Variants in LRP6 observed in about 807,000 individuals in gnomAD.
LRP6 encodes low-density lipoprotein receptor-related protein 6.
A neutral mutation model predicts 184.1 loss-of-function variants in LRP6; 43 were observed. The observed-to-expected ratio is 0.23, with a 90% CI of 0.18 to 0.30. The LOEUF (loss-of-function observed/expected upper bound fraction) is 0.30, where lower values mean the gene tolerates loss of function less well. LRP6 is among the 10% of genes least tolerant of loss of function. LRP6 has a pLI of 1.00. For synonymous variants in LRP6, 719 were observed against 684.9 expected, an observed-to-expected ratio of 1.05 and a Z score of -0.78; for missense variants, 1,571 against 2,005.3, an observed-to-expected ratio of 0.78 and a Z score of 4.14.
chr12:12,250,676 G>A (rs573195104), intron 1 of LRP6, among the ~76,000 whole-genome samples: 3 of 152,140 alleles, frequency 2.0e-5, no homozygotes, highest in Non-Finnish European at 4.4e-5. Context: ...AGGCTGGAGT[G>A]CAGTGGCACA....
At chr12:12,189,998 C>G (rs979345736) in intron 3 of LRP6, among the ~76,000 whole-genome samples, 1 of 152,120 alleles carries the variant, frequency 6.6e-6, no homozygotes, top group Non-Finnish European at 1.5e-5. Flanking sequence ...CCAAGGATCC[C>G]ACACAATGGT....
At chr12:12,184,306 C>T (rs1779060281) in intron 4 of LRP6, among the ~76,000 whole-genome samples, 195 bp from the exon 5 acceptor site, 1 of 152,052 alleles carries the variant, frequency 6.6e-6, no homozygotes, top group African/African-American at 2.4e-5. Flanking sequence ...AAGAGGAATA[C>T]ACAAGAAGTA....
intron 2 of LRP6, among the ~76,000 whole-genome samples, chr12:12,216,722 C>T (rs1019452690): frequency 1.3e-5 from 2 of 151,408 alleles, no homozygotes; most frequent in Non-Finnish European, 2.9e-5. Context: ...ATAAAACTAA[C>T]GGATAATCCA....
At chr12:12,217,889 TA>T (rs938219484) in intron 2 of LRP6, among the ~76,000 whole-genome samples, 1 of 151,978 alleles carries the variant, frequency 6.6e-6, no homozygotes, top group Admixed American at 6.6e-5. Flanking sequence ...TCAAAAACGA[TA>T]AAGACCTGAT....
rs534344568 is a variant in LRP6, at chr12:12,196,655, G to A, written c.647+6548C>T. 4.8e-4 allele frequency among the ~76,000 whole-genome samples: 73 copies of A among 150,872 alleles called. 1 individual carries two copies. The South Asian group carries it at 7.3e-3, about 15-fold the overall frequency. On this transcript the variant is annotated intron_variant, in intron 3 of 22. Transcript: ENST00000261349. ...TCTGTCTCTTCCTTACAATCTCTCC[G>A]TTAAAGTACCTAAGATATTTCATTT... is the stretch of plus-strand genomic sequence containing the variant.
intron 1 of LRP6, among the ~76,000 whole-genome samples, chr12:12,262,249 T>TGA (rs1865633337): frequency 6.6e-6 from 1 of 152,146 alleles, no homozygotes; most frequent in East Asian, 1.9e-4. Context: ...CATGGTGGTG[T>TGA]GAGCCTGTGG....
intron 1 of LRP6, among the ~76,000 whole-genome samples, chr12:12,263,980 C>T (rs1314435672): frequency 6.6e-6 from 1 of 151,716 alleles, no homozygotes; most frequent in Admixed American, 6.6e-5. Flanking sequence ...ACACCAACCC[C>T]ATATCTACAA....
Position 12,164,415 on chromosome 12 carries a change from G to A in LRP6, c.1910C>T (p.Ser637Leu). 1 of 1,614,170 alleles carries A rather than the reference G, an allele frequency of 6.2e-7. No homozygotes were observed. Among genetic ancestry groups the A allele is most frequent in the Non-Finnish European group, 8.5e-7 (1 of 1,180,030 alleles). Residue 637 changes from serine to leucine, a missense_variant, in exon 9 of 23, where the codon TCA becomes TTA. By Grantham distance (145) the Ser-to-Leu change is moderately radical. This residue lies in a region of LRP6 where 640 missense variants were observed against 851.9 expected (regional missense o/e 0.75). Coordinates refer to ENST00000261349, the MANE Select transcript of LRP6 (RefSeq NM_002336.3). ...AATTCGTCTGATATCTGCTCTCCGT[G>A]AAAACAAAAGGAAAGCCTCTGGGAC... The part of the protein sequence containing the change: ...CIVPEAFLLF[S>L]RRADIRRISL...
At chr12:12,226,283 T>C (rs1261141932) in intron 2 of LRP6, among the ~76,000 whole-genome samples, 1 of 152,210 alleles carries the variant, frequency 6.6e-6, no homozygotes, top group African/African-American at 2.4e-5. Context: ...TATCCAGCTT[T>C]CAACAAAAAA....
At chr12:12,203,082 TC>T in intron 3 of LRP6, 120 bp downstream of exon 3, 1 of 671,688 alleles carries the variant, frequency 1.5e-6, no homozygotes, top group South Asian at 2.1e-5. Flanking sequence ...AAAAGACTAT[TC>T]TTCTTCCCCT....
intron 2 of LRP6, among the ~76,000 whole-genome samples, chr12:12,216,814 C>A (rs1216214371): frequency 6.6e-6 from 1 of 152,044 alleles, no homozygotes; most frequent in East Asian, 1.9e-4. Context: ...TATATTACCA[C>A]CACATCCCCT....
At chr12:12,193,652 GA>G (rs747825972) in intron 3 of LRP6, among the ~76,000 whole-genome samples, 1 of 151,896 alleles carries the variant, frequency 6.6e-6, no homozygotes, top group African/African-American at 2.4e-5. Context: ...AATATTCCTG[GA>G]AAAAAACCAA....
chr12:12,227,053 A>G (rs1269732550), intron 2 of LRP6, among the ~76,000 whole-genome samples: 1 of 152,196 alleles, frequency 6.6e-6, no homozygotes, highest in African/African-American at 2.4e-5. Flanking sequence ...AAGAAAAAAC[A>G]CCTTACTTGT....
intron 2 of LRP6, among the ~76,000 whole-genome samples, chr12:12,230,065 A>G (rs1410998834): frequency 6.6e-6 from 1 of 152,200 alleles, no homozygotes; most frequent in African/African-American, 2.4e-5. Context: ...GTCTGGTCTC[A>G]TATTCATTTG....
chr12:12,151,509 A>G (rs1246421679), intron 12 of LRP6, among the ~76,000 whole-genome samples: 1 of 151,398 alleles, frequency 6.6e-6, no homozygotes, highest in African/African-American at 2.4e-5. Context: ...GCTGATTTTT[A>G]GTCTCAGCCT....
intron 2 of LRP6, among the ~76,000 whole-genome samples, chr12:12,216,655 T>TAAAAAA (rs34936968): frequency 7.3e-6 from 1 of 137,050 alleles, no homozygotes; most frequent in Non-Finnish European, 1.6e-5. Flanking sequence ...ACTTAAAATT[T>TAAAAAA]AAAAAAAAAA....
At chr12:12,160,942 T>C (rs1862726395) in intron 10 of LRP6, among the ~76,000 whole-genome samples, 1 of 152,246 alleles carries the variant, frequency 6.6e-6, no homozygotes, top group African/African-American at 2.4e-5. Flanking sequence ...GATAGCTGAC[T>C]TGGTAGCAAT....
At chr12:12,245,930 G>A (rs901140455) in intron 1 of LRP6, among the ~76,000 whole-genome samples, 2 of 151,428 alleles carry the variant, frequency 1.3e-5, no homozygotes, top group Non-Finnish European at 2.9e-5. Context: ...CCAGTCACAC[G>A]CAGCTATGGA....
At chr12:12,239,169 A>G (rs1864996655) in intron 2 of LRP6, among the ~76,000 whole-genome samples, 1 of 152,208 alleles carries the variant, frequency 6.6e-6, no homozygotes, top group Admixed American at 6.5e-5. Context: ...CCAATTTAAC[A>G]GAACATCCTT....
Sources: gnomAD v4.1 joint callset for allele counts (sites outside exome capture counted in the v4.1 genomes callset) on GRCh38, gnomAD v4.1.1 for gene constraint, gnomAD v4.1.1 regional missense constraint, MANE v1.5 for transcripts, NCBI Gene and HGNC (gene_info 2026-07-23, HGNC 2026-07-21) for gene names.